Variants in HHAT observed in about 807,000 individuals in gnomAD.
The protein encoded by HHAT is protein-cysteine N-palmitoyltransferase HHAT.
Under a neutral mutation model 70.8 loss-of-function variants are expected in HHAT, and 47 were observed. The ratio of observed to expected loss-of-function variants is 0.66; its 90% CI spans 0.53 to 0.85. The LOEUF (loss-of-function observed/expected upper bound fraction) is 0.85. Ranked by LOEUF, HHAT falls within the 40% of genes least tolerant of loss-of-function variation. The probability of loss-of-function intolerance (pLI) is 0.00; values close to 1 mark genes in which losing one functional copy is unlikely to be tolerated. For missense variants in HHAT, 609 were observed against 604.8 expected (o/e 1.01, Z -0.07); for synonymous variants, 228 against 247.6 (o/e 0.92, Z 0.74).
At chr1:210,455,656 G>A (rs912833207) in intron 7 of HHAT, among the ~76,000 whole-genome samples, 5 of 152,058 alleles carry the variant, frequency 3.3e-5, no homozygotes, top group Non-Finnish European at 4.4e-5. Context: ...CTGTGCCCAG[G>A]TTCCTATCTG....
chr1:210,622,548 G>A (rs570505861), intron 10 of HHAT, among the ~76,000 whole-genome samples: 2 of 152,272 alleles, frequency 1.3e-5, no homozygotes, highest in African/African-American at 4.8e-5. Context: ...AAGGAGAAGT[G>A]CAATAAAGAG....
chr1:210,421,126 GA>G lies in HHAT; in HGVS notation c.856+2808del, dbSNP rs371188197. Among the ~76,000 whole-genome samples the G allele has an allele frequency of 5.7e-3, 864 of 151,996 alleles. 11 individuals are homozygous for G. The highest frequency in any genetic ancestry group is 0.02 in the African/African-American group (819 of 41,434). Reference sequence around the variant, plus strand: ...ACCAGTGACATTCTGCACAGAAATAGAAAAAAACCCCTAAAATTTGTGTGGA... The same window carrying G: ...ACCAGTGACATTCTGCACAGAAATAGAAAAAACCCCTAAAATTTGTGTGGA... On this transcript the variant is annotated intron_variant, in intron 7 of 11. Transcript: ENST00000261458.
intron 7 of HHAT, among the ~76,000 whole-genome samples, chr1:210,459,475 G>A (rs1051193471): frequency 6.6e-6 from 1 of 152,160 alleles, no homozygotes; most frequent in African/African-American, 2.4e-5. Context: ...GTCTTAAGCT[G>A]TACACACATG....
At chr1:210,624,913 A>C (rs1669543976) in intron 11 of HHAT, among the ~76,000 whole-genome samples, 1 of 152,194 alleles carries the variant, frequency 6.6e-6, no homozygotes, top group Non-Finnish European at 1.5e-5. Context: ...ATAACTCTGC[A>C]CAGCTGGCCC....
At chr1:210,535,456 G>T (rs12127932) in intron 9 of HHAT, among the ~76,000 whole-genome samples, 27,211 of 139,898 alleles carry the variant, frequency 0.19, 2,915 homozygotes, top group Middle Eastern at 0.3. Context: ...TGTGTGTGTG[G>T]GGTAAAATAA....
At chr1:210,399,820 C>G (rs1342992246) in intron 4 of HHAT, among the ~76,000 whole-genome samples, 1 of 152,078 alleles carries the variant, frequency 6.6e-6, no homozygotes, top group African/African-American at 2.4e-5. Flanking sequence ...CTGTGATTCT[C>G]CTAAAATGGG....
chr1:210,597,916 A>C (rs1028068825), intron 10 of HHAT, among the ~76,000 whole-genome samples: 3 of 150,974 alleles, frequency 2.0e-5, no homozygotes, highest in African/African-American at 7.3e-5. Context: ...TAGCTACCAC[A>C]ACAGGGAATG....
chr1:210,341,207 A>G (rs551061271), intron 1 of HHAT, among the ~76,000 whole-genome samples: 60 of 152,322 alleles, frequency 3.9e-4, no homozygotes, highest in African/African-American at 1.4e-3. Flanking sequence ...AGGGATTGTT[A>G]GCTTAATGAT....
At chr1:210,540,638 T>A (rs1181005770) in intron 9 of HHAT, among the ~76,000 whole-genome samples, 2 of 137,266 alleles carry the variant, frequency 1.5e-5, no homozygotes, top group Non-Finnish European at 3.0e-5. Context: ...AGTTATTGAT[T>A]TTTTTTTTTT....
chr1:210,667,523 G>T (rs557104051), intron 11 of HHAT, among the ~76,000 whole-genome samples: 50 of 152,218 alleles, frequency 3.3e-4, no homozygotes, highest in African/African-American at 1.2e-3. Flanking sequence ...ACATCCCAAT[G>T]TTATCTTTAA....
intron 8 of HHAT, among the ~76,000 whole-genome samples, chr1:210,502,383 C>CAAAAAAAAAAAAA (rs1177468677): frequency 1.1e-5 from 1 of 87,006 alleles, no homozygotes; most frequent in Non-Finnish European, 2.2e-5. Context: ...GACTCAGTCT[C>CAAAAAAAAAAAAA]AAAAAAAAAA....
At chr1:210,607,599 T>A (rs116028590) in intron 10 of HHAT, among the ~76,000 whole-genome samples, 2,218 of 152,284 alleles carry the variant, frequency 0.015, 62 homozygotes, top group African/African-American at 0.05. Context: ...CCCAGTACCA[T>A]GAGCAGCTAT....
intron 11 of HHAT, among the ~76,000 whole-genome samples, chr1:210,658,634 A>G (rs1676976735): frequency 6.6e-6 from 1 of 152,216 alleles, no homozygotes; most frequent in Non-Finnish European, 1.5e-5. Context: ...CAGAATATAC[A>G]TTCTTCTCAG....
chr1:210,342,422 T>C (rs2086118620), intron 1 of HHAT, among the ~76,000 whole-genome samples: 1 of 152,240 alleles, frequency 6.6e-6, no homozygotes, highest in South Asian at 2.1e-4. Flanking sequence ...GAAGTGTTCT[T>C]AGACACATCT....
chr1:210,474,288 A>G (rs2094261895), intron 8 of HHAT, among the ~76,000 whole-genome samples: 1 of 152,106 alleles, frequency 6.6e-6, no homozygotes, highest in South Asian at 2.1e-4. Flanking sequence ...GGAAGAGATA[A>G]ATAATAATTA....
chr1:210,656,382 T>C (rs35968688), intron 11 of HHAT, among the ~76,000 whole-genome samples: 2,591 of 148,980 alleles, frequency 0.017, 43 homozygotes, highest in Non-Finnish European at 0.024. Context: ...GTGCTTTCTC[T>C]TACCCTCAGG....
At chr1:210,422,077 AT>A (rs1296417412) in intron 7 of HHAT, among the ~76,000 whole-genome samples, 3 of 152,200 alleles carry the variant, frequency 2.0e-5, no homozygotes, top group Non-Finnish European at 4.4e-5. Flanking sequence ...AGTTAAAAAA[AT>A]CTTTAGTTAT....
At chr1:210,329,218 T>G in intron 1 of HHAT, 114 bp downstream of exon 1, 8 of 1,217,866 alleles carry the variant, frequency 6.6e-6, no homozygotes, top group Non-Finnish European at 4.1e-6. Context: ...CCTACCCAAG[T>G]TCCCGTGTGC....
intron 7 of HHAT, among the ~76,000 whole-genome samples, chr1:210,427,495 A>G (rs556779951): frequency 6.6e-6 from 1 of 152,164 alleles, no homozygotes; most frequent in South Asian, 2.1e-4. Context: ...AGACTGTGGT[A>G]TGTTGTATTT....
Sources: gnomAD v4.1 joint callset for allele counts (sites outside exome capture counted in the v4.1 genomes callset) on GRCh38, gnomAD v4.1.1 for gene constraint, MANE v1.5 for transcripts, NCBI Gene and HGNC (gene_info 2026-07-23, HGNC 2026-07-21) for gene names.